DIP2B: variants seen among roughly 807,000 people sequenced by gnomAD.
The protein encoded by DIP2B is DIP2 acetate--CoA ligase B (putative).
Under a neutral mutation model 198.0 loss-of-function variants are expected in DIP2B, and 76 were observed. The observed-to-expected ratio is 0.38, with a 90% CI of 0.32 to 0.46. The LOEUF is 0.46. Ranked by LOEUF, DIP2B falls within the 20% of genes least tolerant of loss-of-function variation. DIP2B has a pLI of 0.99. For missense variants in DIP2B, 1,559 were observed against 1,978.4 expected, an observed-to-expected ratio of 0.79 and a Z score of 4.02; for synonymous variants, 701 against 739.1, an observed-to-expected ratio of 0.95 and a Z score of 0.84.
At chr12:50,570,486 G>A (rs997417653) in intron 1 of DIP2B, among the ~76,000 whole-genome samples, 9 of 152,276 alleles carry the variant, frequency 5.9e-5, no homozygotes, top group Middle Eastern at 6.8e-3. Context: ...TGAGGCAGGC[G>A]GATCACTTGC....
At chr12:50,511,291 A>AATTT (rs777858712) in intron 1 of DIP2B, among the ~76,000 whole-genome samples, 1 of 64,664 alleles carries the variant, frequency 1.5e-5, no homozygotes. Flanking sequence ...TGTGATTTCT[A>AATTT]TTTTTTTTTT....
chr12:50,608,311 G>A (rs777040474), intron 1 of DIP2B, among the ~76,000 whole-genome samples: 5 of 152,056 alleles, frequency 3.3e-5, no homozygotes, highest in Non-Finnish European at 7.4e-5. Flanking sequence ...GAAAACTTAC[G>A]TGGAAACAGC....
chr12:50,668,904 G>C (rs771652054), intron 4 of DIP2B, among the ~76,000 whole-genome samples: 5 of 151,782 alleles, frequency 3.3e-5, no homozygotes, highest in Admixed American at 1.3e-4. Flanking sequence ...TCCTTAAAGG[G>C]GTACAGATGT....
chr12:50,741,870 G>A (rs1940249974), intron 37 of DIP2B, among the ~76,000 whole-genome samples: 1 of 152,172 alleles, frequency 6.6e-6, no homozygotes, highest in South Asian at 2.1e-4. Flanking sequence ...GCATAATATG[G>A]TGGAAAGAAC....
chr12:50,575,113 C>G (rs1215976611), intron 1 of DIP2B, among the ~76,000 whole-genome samples: 1 of 152,056 alleles, frequency 6.6e-6, no homozygotes, highest in Non-Finnish European at 1.5e-5. Flanking sequence ...TTTCGACATT[C>G]TCCCCTTGGA....
At chr12:50,567,866 G>T (rs574141230) in intron 1 of DIP2B, among the ~76,000 whole-genome samples, 2 of 152,240 alleles carry the variant, frequency 1.3e-5, no homozygotes, top group African/African-American at 4.8e-5. Flanking sequence ...TTTAATTTCC[G>T]TTTGGGTATC....
intron 1 of DIP2B, among the ~76,000 whole-genome samples, chr12:50,536,069 G>A (rs1958263158): frequency 6.6e-6 from 1 of 151,578 alleles, no homozygotes; most frequent in Middle Eastern, 3.4e-3. Context: ...TGGTGTATAT[G>A]TGCCACATTT....
At position 50,723,217 on chromosome 12, in the gene DIP2B, C is replaced by T; in HGVS notation, c.3182C>T (p.Ala1061Val). 1 of 1,614,144 alleles carries T rather than the reference C, an allele frequency of 6.2e-7. No individual in the cohort carries two copies. Among genetic ancestry groups the T allele is most frequent in the Non-Finnish European group, 8.5e-7 (1 of 1,180,038 alleles). Residue 1061 changes from alanine (A) to valine (V), a missense_variant, in exon 27 of 38, where the codon GCC becomes GTC. Ala to Val is a moderately conservative substitution (Grantham distance 64). Coordinates refer to ENST00000301180, the MANE Select transcript of DIP2B (RefSeq NM_173602.3). ...LLYPPGIELI[A>V]AFYGCLYAGC... is the part of the protein sequence containing the mutation. The stretch of plus-strand genomic sequence containing the variant: ...TGTCTTGCAGGCATTGAGTTAATCG[C>T]CGCCTTCTATGGCTGCCTGTATGCG...
At chr12:50,684,921 G>C (rs998196964) in intron 10 of DIP2B, among the ~76,000 whole-genome samples, 1 of 151,942 alleles carries the variant, frequency 6.6e-6, no homozygotes, top group East Asian at 1.9e-4. Flanking sequence ...ACGAAACCCT[G>C]TCTCTACTAA....
chr12:50,505,713 C>T (rs994105655), intron 1 of DIP2B, among the ~76,000 whole-genome samples: 1 of 152,156 alleles, frequency 6.6e-6, no homozygotes, highest in Admixed American at 6.5e-5. Flanking sequence ...CATTTCTTCT[C>T]TTTCCTTTAA....
intron 4 of DIP2B, among the ~76,000 whole-genome samples, chr12:50,666,029 A>G (rs1465892731): frequency 1.3e-5 from 2 of 152,166 alleles, no homozygotes; most frequent in African/African-American, 4.8e-5. Context: ...TCCATAATAA[A>G]TGTGCTCTAA....
intron 2 of DIP2B, among the ~76,000 whole-genome samples, chr12:50,633,867 CTTAAACCTCCCAGCA>C (rs1405070161): frequency 1.3e-5 from 2 of 152,180 alleles, no homozygotes; most frequent in Admixed American, 1.3e-4. Flanking sequence ...TAAAAAATCA[CTTAAACCTCCCAGCA>C]TTGGAACTGA....
At chr12:50,680,828 A>G (rs1006676832) in intron 9 of DIP2B, 65 bp downstream of exon 9, 15 of 1,402,212 alleles carry the variant, frequency 1.1e-5, no homozygotes, top group Non-Finnish European at 1.5e-5. Flanking sequence ...CTAATATTCT[A>G]ATATTCTGGA....
chr12:50,738,389 T>C (rs1940175815), intron 35 of DIP2B, among the ~76,000 whole-genome samples: 1 of 152,062 alleles, frequency 6.6e-6, no homozygotes, highest in Non-Finnish European at 1.5e-5. Flanking sequence ...TCCCAACACT[T>C]TGGGAGGCTG....
chr12:50,742,419 A>AAAAAAAAAAC (rs1565888390), intron 37 of DIP2B, among the ~76,000 whole-genome samples: 2 of 77,338 alleles, frequency 2.6e-5, no homozygotes, highest in African/African-American at 7.5e-5. Context: ...AAAAAAAAAA[A>AAAAAAAAAAC]AAACCACCTC....
At chr12:50,531,245 T>A (rs1349828311) in intron 1 of DIP2B, among the ~76,000 whole-genome samples, 1 of 152,144 alleles carries the variant, frequency 6.6e-6, no homozygotes, top group Non-Finnish European at 1.5e-5. Flanking sequence ...AGATGGGGTT[T>A]CACCATGTTA....
intron 1 of DIP2B, among the ~76,000 whole-genome samples, chr12:50,616,318 G>A (rs1184403584): frequency 6.6e-6 from 1 of 152,296 alleles, no homozygotes; most frequent in African/African-American, 2.4e-5. Context: ...TTGAAAAACC[G>A]TTTGTAAGAT....
intron 12 of DIP2B, among the ~76,000 whole-genome samples, chr12:50,689,621 G>A (rs187367223): frequency 2.6e-4 from 39 of 152,256 alleles, no homozygotes; most frequent in South Asian, 1.7e-3. Flanking sequence ...GGGCAGGGAC[G>A]GGGGTAAAGA....
At chr12:50,600,886 G>GACCACCACCACC (rs1375464817) in intron 1 of DIP2B, among the ~76,000 whole-genome samples, 1 of 134,984 alleles carries the variant, frequency 7.4e-6, no homozygotes, top group Non-Finnish European at 1.6e-5. Flanking sequence ...TCACCACCAT[G>GACCACCACCACC]ACCACCATCA....
Sources: gnomAD v4.1 joint callset for allele counts (sites outside exome capture counted in the v4.1 genomes callset) on GRCh38, gnomAD v4.1.1 for gene constraint, MANE v1.5 for transcripts, NCBI Gene and HGNC (gene_info 2026-07-23, HGNC 2026-07-21) for gene names.